Variants in TMPRSS15 observed in about 807,000 individuals in gnomAD.
TMPRSS15 encodes transmembrane serine protease 15.
TMPRSS15 carries 128 observed loss-of-function variants against 125.3 expected under a neutral mutation model. That is an observed-to-expected ratio of 1.02 (90% confidence interval 0.89 to 1.18). The LOEUF is 1.18. TMPRSS15 is among the 50% of genes most tolerant of loss of function. The probability of loss-of-function intolerance (pLI) is 0.00; values close to 1 mark genes in which losing one functional copy is unlikely to be tolerated. For synonymous variants in TMPRSS15, 446 were observed against 423.2 expected (o/e 1.05, Z -0.66); for missense variants, 1,283 against 1,212.7 (o/e 1.06, Z -0.86).
chr21:18,391,301 A>G (rs545489540), intron 3 of TMPRSS15, among the ~76,000 whole-genome samples: 8 of 152,374 alleles, frequency 5.3e-5, no homozygotes, highest in Admixed American at 3.9e-4. Context: ...TCTTCTGCCT[A>G]TGAGTATGTA....
intron 21 of TMPRSS15, among the ~76,000 whole-genome samples, chr21:18,282,866 G>A (rs2074717941): frequency 6.6e-6 from 1 of 152,194 alleles, no homozygotes; most frequent in South Asian, 2.1e-4. Context: ...TCTGAGTGGG[G>A]TGCCATGGGA....
Position 18,365,248 on chromosome 21 carries a change from G to C in TMPRSS15, c.665C>G (p.Ala222Gly), listed in dbSNP as rs1437470597. 1 of 1,612,528 alleles carries C rather than the reference G, an allele frequency of 6.2e-7. No individual in the cohort carries two copies. Among genetic ancestry groups the C allele is most frequent in the African/African-American group, 1.3e-5 (1 of 74,896 alleles). Residue 222 changes from alanine to glycine, a missense_variant and splice_region_variant, in exon 7 of 25, where the codon GCC (alanine) becomes GGC (glycine). Transcript: ENST00000284885. ...DGSDEDNKMCATVCDGRFLLT... is the reference protein window; with the variant it reads ...DGSDEDNKMCGTVCDGRFLLT... ...CAAAAATCTTCCATCACAAACTGTG[G>C]CTGCAAAACGATGCCAATTAATGTT... is the stretch of plus-strand genomic sequence containing the variant.
chr21:18,326,421 T>C lies in TMPRSS15; in HGVS notation c.1921+11A>G. 1.2e-6 allele frequency: 2 copies of C among 1,614,150 alleles called. No individual in the cohort carries two copies. The highest frequency in any genetic ancestry group is 8.5e-7 in the Non-Finnish European group (1 of 1,179,976). On this transcript the variant is annotated intron_variant, in intron 16 of 24. Transcript: ENST00000284885. ...AAGTTATGATGCAATGTGTGATTTA[T>C]GGGCTCCTACCTGGAATCCCCAAGT...
intron 1 of TMPRSS15, among the ~76,000 whole-genome samples, chr21:18,468,138 T>G (rs994622481): frequency 2.0e-5 from 3 of 152,290 alleles, no homozygotes; most frequent in South Asian, 2.1e-4. Flanking sequence ...TGAGGTCTTA[T>G]GTTTGTTTTT....
chr21:18,296,436 A>C (rs2074908655), intron 19 of TMPRSS15, among the ~76,000 whole-genome samples: 1 of 152,188 alleles, frequency 6.6e-6, no homozygotes, highest in Non-Finnish European at 1.5e-5. Context: ...AAGGACATTT[A>C]ATTAACTGGC....
intron 1 of TMPRSS15, among the ~76,000 whole-genome samples, chr21:18,424,653 C>G (rs555202343): frequency 2.6e-5 from 4 of 151,806 alleles, no homozygotes; most frequent in Non-Finnish European, 2.9e-5. Context: ...TGTAAAGAAC[C>G]GACAAAAGGA....
chr21:18,467,348 A>G (rs1283964996), intron 1 of TMPRSS15, among the ~76,000 whole-genome samples: 1 of 152,024 alleles, frequency 6.6e-6, no homozygotes, highest in Non-Finnish European at 1.5e-5. Context: ...TGGCATGTGT[A>G]TACCTATGTA....
Position 18,403,585 on chromosome 21 carries a change from G to A in TMPRSS15, c.38C>T (p.Ser13Phe), listed in dbSNP as rs201924623. The change falls in exon 1 of 25, where the codon TCT (serine) becomes TTT (phenylalanine). Residue 13 changes from serine to phenylalanine, a missense_variant. Transcript: ENST00000284885. Reference sequence around the variant, plus strand: ...AAACATGATTTCATAGGAGCTGAGAGAATGATGCCTAGAAGATATGCCTCT... The same window carrying A: ...AAACATGATTTCATAGGAGCTGAGAAAATGATGCCTAGAAGATATGCCTCT... Reference protein sequence around the residue: ...SKRGISSRHHSLSSYEIMFAA... With the variant: ...SKRGISSRHHFLSSYEIMFAA... 39 of 1,614,188 alleles carry A rather than the reference G, an allele frequency of 2.4e-5. No homozygotes were observed. In the East Asian group the frequency reaches 6.5e-4, roughly 27 times the overall value.
chr21:18,485,378 T>A (rs1347423250), intron 1 of TMPRSS15, among the ~76,000 whole-genome samples: 1 of 151,968 alleles, frequency 6.6e-6, no homozygotes, highest in Non-Finnish European at 1.5e-5. Flanking sequence ...TAGTAAATAT[T>A]TTTTTCATCC....
intron 6 of TMPRSS15, 81 bp downstream of exon 6, chr21:18,372,112 G>GTGTGTGTC: frequency 5.3e-6 from 6 of 1,125,388 alleles, no homozygotes; most frequent in Non-Finnish European, 6.6e-6. Flanking sequence ...GTGTGTGTGT[G>GTGTGTGTC]TGTGTGTGTG....
rs1392591194 is a variant in TMPRSS15 at position 18,460,298 on chromosome 21, CTTCTA to C, written c.10+25496_10+25500del. Among the ~76,000 whole-genome samples, 18 of 151,858 alleles carry C rather than the reference CTTCTA, an allele frequency of 1.2e-4. No homozygotes were observed. In the East Asian group the frequency reaches 1.4e-3, roughly 11 times the overall value. On this transcript the variant is annotated intron_variant, in intron 1 of 7. Coordinates refer to the TMPRSS15 transcript ENST00000422787. The stretch of plus-strand genomic sequence containing the variant: ...TAGGTTTTTTTTTGGATACCATTTT[CTTCTA>C]TTCTATCTGTTGCTCATAAGTTTTA...
intron 1 of TMPRSS15, among the ~76,000 whole-genome samples, chr21:18,432,414 T>TAA (rs1376772282): frequency 1.3e-5 from 2 of 152,158 alleles, no homozygotes; most frequent in Non-Finnish European, 2.9e-5. Context: ...GTTGAAGTCC[T>TAA]AAATCTCAGT....
At chr21:18,277,751 CA>C (rs1162030932) in intron 23 of TMPRSS15, among the ~76,000 whole-genome samples, 5 of 152,134 alleles carry the variant, frequency 3.3e-5, no homozygotes, top group African/African-American at 1.2e-4. Flanking sequence ...ATCTTAAATA[CA>C]TTTAGGACTT....
chr21:18,474,167 G>A (rs985651211), intron 1 of TMPRSS15, among the ~76,000 whole-genome samples: 52 of 151,870 alleles, frequency 3.4e-4, no homozygotes, highest in African/African-American at 1.2e-3. Context: ...CTGTATGTGG[G>A]TATTCCTATA....
chr21:18,483,930 C>G (rs1456064590), intron 1 of TMPRSS15, among the ~76,000 whole-genome samples: 2 of 151,852 alleles, frequency 1.3e-5, no homozygotes, highest in African/African-American at 4.8e-5. Context: ...AACACCTAAA[C>G]AACAGATTAA....
intron 21 of TMPRSS15, among the ~76,000 whole-genome samples, chr21:18,293,279 TA>T (rs1382063937): frequency 6.6e-6 from 1 of 152,324 alleles, no homozygotes; most frequent in African/African-American, 2.4e-5. Context: ...TTGAGTCTTG[TA>T]ACCTGATTAA....
intron 5 of TMPRSS15, among the ~76,000 whole-genome samples, chr21:18,374,995 T>C (rs1313054771): frequency 1.3e-5 from 2 of 152,202 alleles, no homozygotes; most frequent in Admixed American, 1.3e-4. Flanking sequence ...GATTATGAGA[T>C]GAACAAATTG....
At chr21:18,271,159 G>C (rs956345025) in intron 24 of TMPRSS15, among the ~76,000 whole-genome samples, 42 of 152,132 alleles carry the variant, frequency 2.8e-4, no homozygotes, top group Admixed American at 2.6e-4. Context: ...TGTAACAAAT[G>C]TGTGCAAGGT....
intron 5 of TMPRSS15, among the ~76,000 whole-genome samples, chr21:18,375,403 T>C (rs1029137056): frequency 6.6e-5 from 10 of 152,228 alleles, no homozygotes; most frequent in Non-Finnish European, 1.5e-5. Flanking sequence ...ATTACTTGGT[T>C]TGTATTTCAT....
Sources: allele counts gnomAD v4.1 joint callset (sites outside exome capture counted in the v4.1 genomes callset), GRCh38; gene constraint gnomAD v4.1.1; transcripts MANE v1.5; gene names NCBI Gene and HGNC (gene_info 2026-07-23, HGNC 2026-07-21).